Variants in PDE9A observed in about 807,000 individuals in gnomAD.
The protein encoded by PDE9A is high affinity cGMP-specific 3',5'-cyclic phosphodiesterase 9A.
PDE9A carries 60 observed loss-of-function variants against 87.4 expected under a neutral mutation model. The observed-to-expected ratio is 0.69, with a 90% CI of 0.56 to 0.85. The LOEUF (loss-of-function observed/expected upper bound fraction) is 0.85. Ranked by LOEUF, PDE9A falls within the 40% of genes least tolerant of loss-of-function variation. The pLI, the probability that PDE9A is intolerant of heterozygous loss-of-function variation, is 0.00. For synonymous variants in PDE9A, 272 were observed against 279.4 expected (o/e 0.97, Z 0.27); for missense variants, 665 against 779.0 (o/e 0.85, Z 1.74).
intron 1 of PDE9A, among the ~76,000 whole-genome samples, chr21:42,658,339 T>C (rs745498022): frequency 5.3e-5 from 8 of 152,238 alleles, no homozygotes; most frequent in Non-Finnish European, 1.2e-4. Flanking sequence ...CTGGTTCTAC[T>C]GATCTGTCCT....
chr21:42,754,096 A>T, intron 10 of PDE9A, 32 bp downstream of exon 10: 2 of 1,436,074 alleles, frequency 1.4e-6, no homozygotes, highest in Non-Finnish European at 2.0e-6. Flanking sequence ...ACCACGTCCC[A>T]GGGGGAGGCA....
At position 42,693,834 on chromosome 21, in the gene PDE9A, C is replaced by T. The variant is rs1326705458; in HGVS notation, c.219-5134C>T. ...CTCAAACTCCTGACCTCAGGTGATC[C>T]GCCCACCTCAGCCTCCCAAAGTGCT... On this transcript the variant is annotated intron_variant, in intron 3 of 19. Transcript: ENST00000291539. Among the ~76,000 whole-genome samples, 33 of 151,992 alleles carry T rather than the reference C, an allele frequency of 2.2e-4. 1 individual carries two copies. The highest frequency in any genetic ancestry group is 2.0e-3 in the Admixed American group (31 of 15,266).
At position 42,653,631 on chromosome 21, in the gene PDE9A, G is replaced by C. The variant is rs2056810541; in HGVS notation, c.-184G>C. 6.3e-6 allele frequency: 1 copy of C among 159,226 alleles called. No individual in the cohort carries two copies. The highest frequency in any genetic ancestry group is 1.3e-5 in the Non-Finnish European group (1 of 74,504). 9.9% of individuals were successfully genotyped at this position (159,226 alleles called of 1,614,324 possible). Reference sequence around the variant, plus strand: ...GCCCGAGCGCGAGCCGAGCGGAGGAGACCCTGCGGCGCGCGGCGGCGGCTC... The same window carrying C: ...GCCCGAGCGCGAGCCGAGCGGAGGACACCCTGCGGCGCGCGGCGGCGGCTC... On this transcript the variant is annotated 5_prime_UTR_variant, in exon 1 of 20. Transcript: ENST00000291539.
intron 1 of PDE9A, among the ~76,000 whole-genome samples, chr21:42,682,381 C>G (rs1737419081): frequency 6.6e-6 from 1 of 152,206 alleles, no homozygotes; most frequent in South Asian, 2.1e-4. Flanking sequence ...CCAACATAAT[C>G]TCAAAGAGAG....
chr21:42,708,636 CT>C, intron 4 of PDE9A, among the ~76,000 whole-genome samples: 1 of 152,344 alleles, frequency 6.6e-6, no homozygotes, highest in East Asian at 1.9e-4. Flanking sequence ...CTCACTGCAA[CT>C]TCTGCCTCCT....
chr21:42,746,731 C>T (rs147216784), intron 8 of PDE9A, among the ~76,000 whole-genome samples: 12 of 152,316 alleles, frequency 7.9e-5, no homozygotes, highest in African/African-American at 1.7e-4. Context: ...CAGAGGAAGC[C>T]GCCAGGAACT....
At chr21:42,668,838 C>T (rs1375088570) in intron 1 of PDE9A, among the ~76,000 whole-genome samples, 2 of 150,410 alleles carry the variant, frequency 1.3e-5, no homozygotes, top group African/African-American at 5.0e-5. Context: ...CCGTGTCCTG[C>T]GCATGAACAT....
At chr21:42,762,366 A>AC (rs1262034332) in intron 14 of PDE9A, 127 bp downstream of exon 14, 4 of 952,652 alleles carry the variant, frequency 4.2e-6, no homozygotes, top group Non-Finnish European at 6.2e-6. Context: ...ACCCAAGGGA[A>AC]CCCCTCCCTC....
chr21:42,712,851 G>A (rs1223428144), intron 4 of PDE9A, among the ~76,000 whole-genome samples: 1 of 152,140 alleles, frequency 6.6e-6, no homozygotes, highest in African/African-American at 2.4e-5. Flanking sequence ...ATTGGATTTT[G>A]TTCCAGTACC....
rs2058784207 is a variant in PDE9A, at chr21:42,675,222, A to G, written c.70-10970A>G. Among the ~76,000 whole-genome samples the G allele has an allele frequency of 6.6e-6, 1 of 152,260 alleles. No individual in the cohort carries two copies. The highest frequency in any genetic ancestry group is 1.5e-5 in the Non-Finnish European group (1 of 68,050). ...AATATAGCATTAAATTGTCTTCAAA[A>G]ACATGATTTTAATGCCTCTATAAAG... On this transcript the variant is annotated intron_variant, in intron 1 of 19. Coordinates refer to ENST00000291539, the MANE Select transcript of PDE9A (RefSeq NM_002606.3). This position sits in a 1 kb window ranked among gnomAD's most constrained non-coding sequence, Gnocchi z 4.3.
intron 4 of PDE9A, 60 bp from the exon 5 acceptor site, chr21:42,731,710 C>A (rs771984416): frequency 7.2e-6 from 11 of 1,522,150 alleles, no homozygotes; most frequent in East Asian, 2.2e-5. Context: ...ATAAAATAGA[C>A]CTGGACACTA....
Position 42,759,711 on chromosome 21 carries a change from GGT to G in PDE9A, c.898-609_898-608del, listed in dbSNP as rs764498389. On this transcript the variant is annotated intron_variant, in intron 11 of 19. Transcript: ENST00000291539. This position sits in a 1 kb window ranked among gnomAD's most constrained non-coding sequence, Gnocchi z 7.2. ...TGGATGTGGGGTGTGTCTGTGTGTG[GGT>G]GTGTGTGAGGGTGTGTGTGCATGTG... Among the ~76,000 whole-genome samples the G allele has an allele frequency of 1.3e-5, 2 of 148,992 alleles. No individual in the cohort carries two copies. The highest frequency in any genetic ancestry group is 2.5e-5 in the African/African-American group (1 of 40,344).
intron 16 of PDE9A, chr21:42,768,791 C>G (rs1225036812): frequency 7.1e-6 from 7 of 985,452 alleles, no homozygotes; most frequent in Non-Finnish European, 8.4e-6. Context: ...TGGGATACAT[C>G]CATCCAACTC....
At chr21:42,672,747 C>T (rs576768431) in intron 1 of PDE9A, among the ~76,000 whole-genome samples, 11 of 152,348 alleles carry the variant, frequency 7.2e-5, no homozygotes, top group African/African-American at 2.6e-4. Flanking sequence ...ATCTTATTAA[C>T]GCATATGTGT....
At chr21:42,762,578 G>A (rs1417556980) in intron 14 of PDE9A, among the ~76,000 whole-genome samples, 2 of 152,222 alleles carry the variant, frequency 1.3e-5, no homozygotes, top group African/African-American at 4.8e-5. Context: ...CCAAGGAGGG[G>A]ACAGGCCCTG....
rs1057415582 is a variant in PDE9A, at chr21:42,702,121, C to T, written c.262+3110C>T. Among the ~76,000 whole-genome samples, 4 of 152,106 alleles carry T rather than the reference C, an allele frequency of 2.6e-5. No homozygotes were observed. The highest frequency in any genetic ancestry group is 7.2e-5 in the African/African-American group (3 of 41,422). On this transcript the variant is annotated intron_variant, in intron 4 of 19. Transcript: ENST00000291539. The surrounding 1 kb of genome is among the most constrained non-coding windows in gnomAD (Gnocchi z 4.9). ...ACCTGAATGATAGACAGCCTGAGAG[C>T]GTCCCCTGACTCACTCACACTGTTT...
chr21:42,760,333 C>G lies in PDE9A; in HGVS notation c.903C>G (p.Cys301Trp), dbSNP rs13047953. 2 of 1,598,796 alleles carry G rather than the reference C, an allele frequency of 1.3e-6. No homozygotes were observed. The highest frequency in any genetic ancestry group is 3.3e-5 in the Admixed American group (2 of 59,958). The change falls in exon 12 of 20, where the codon TGC (cysteine) becomes TGG (tryptophan). Residue 301 changes from cysteine (C) to tryptophan (W), a missense_variant. Physicochemically the swap from Cys to Trp is radical, Grantham distance 215 (BLOSUM62 -2). Coordinates refer to ENST00000291539, the MANE Select transcript of PDE9A (RefSeq NM_002606.3). The surrounding 1 kb of genome is among the most constrained non-coding windows in gnomAD (Gnocchi z 5.2). ...GGACCCCCTGCCTCCCGCAGTTCTG[C>G]GTCCACGACAACTACAGAAACAACC... ...NPVTLRRWLF[C>W]VHDNYRNNPF...
chr21:42,720,874 G>GC (rs936363340), intron 4 of PDE9A, among the ~76,000 whole-genome samples: 5 of 151,890 alleles, frequency 3.3e-5, no homozygotes, highest in Non-Finnish European at 7.4e-5. Flanking sequence ...GCGTGGTGGT[G>GC]CATGTCTGTT....
intron 8 of PDE9A, among the ~76,000 whole-genome samples, chr21:42,744,456 G>T (rs1188700970): frequency 6.6e-6 from 1 of 152,210 alleles, no homozygotes; most frequent in Non-Finnish European, 1.5e-5. Flanking sequence ...AATGTGTCCA[G>T]CTTGGAATAA....
Sources: allele counts gnomAD v4.1 joint callset (sites outside exome capture counted in the v4.1 genomes callset), GRCh38; gene constraint gnomAD v4.1.1; non-coding constraint Gnocchi (gnomAD v3.1); transcripts MANE v1.5; gene names NCBI Gene and HGNC (gene_info 2026-07-23, HGNC 2026-07-21).